HERC2: variants seen among roughly 807,000 people sequenced by gnomAD.
HERC2 encodes HECT and RLD domain containing E3 ubiquitin protein ligase 2.
A neutral mutation model predicts 537.7 loss-of-function variants in HERC2; 102 were observed. The observed-to-expected ratio is 0.19, with a 90% CI of 0.16 to 0.22. The LOEUF (loss-of-function observed/expected upper bound fraction) is 0.22, where lower values mean the gene tolerates loss of function less well. Among genes scored for constraint, HERC2 ranks in the 10% least tolerant of loss-of-function variants. HERC2 has a pLI of 1.00. For missense variants in HERC2, 4,236 were observed against 6,198.2 expected (o/e 0.68, Z 10.63); for synonymous variants, 2,224 against 2,466.2 (o/e 0.90, Z 2.91).
At chr15:28,216,015 T>C (rs8030794) in intron 38 of HERC2, among the ~76,000 whole-genome samples, 1 of 151,998 alleles carries the variant, frequency 6.6e-6, no homozygotes, top group Non-Finnish European at 1.5e-5. Flanking sequence ...AATTTTTCTT[T>C]TTTTTTTTAG....
At chr15:28,269,583 T>G (rs557595034) in intron 10 of HERC2, 147 bp from the exon 11 acceptor site, 8 of 627,080 alleles carry the variant, frequency 1.3e-5, no homozygotes, top group Non-Finnish European at 1.6e-5. Flanking sequence ...CATACCAGCC[T>G]GTATTACCTC....
intron 3 of HERC2, among the ~76,000 whole-genome samples, chr15:28,293,996 A>C (rs918888742): frequency 2.0e-5 from 3 of 152,236 alleles, no homozygotes; most frequent in African/African-American, 7.2e-5. Context: ...TAATTAGAAA[A>C]ATGTATCTCA....
rs758283248 is a variant in HERC2, at chr15:28,248,776, ATT to A, written c.3051-42_3051-41del. 5 of 1,517,698 alleles carry A rather than the reference ATT, an allele frequency of 3.3e-6. No homozygotes were observed. In the African/African-American group the frequency reaches 4.2e-5, roughly 13 times the overall value. The allele number at this position is 1,517,698 out of a possible 1,614,324, so 94.0% of individuals were successfully genotyped here. A position where few individuals can be genotyped will look rare whatever the true frequency, so the allele number is the denominator to read the frequency against. The stretch of plus-strand genomic sequence containing the variant: ...AGAGGATTACAAAATTAAACAAGAT[ATT>A]TCTACTAAAAAGAAAATGGGATGGG... On this transcript the variant is annotated intron_variant, in intron 20 of 92. Coordinates refer to ENST00000261609, the MANE Select transcript of HERC2 (RefSeq NM_004667.6).
At chr15:28,116,090 C>T (rs891015298) in intron 88 of HERC2, among the ~76,000 whole-genome samples, 1 of 152,238 alleles carries the variant, frequency 6.6e-6, no homozygotes, top group African/African-American at 2.4e-5. Flanking sequence ...CCAGTGCCTG[C>T]AGCTGTGCAC....
At position 28,141,982 on chromosome 15, in the gene HERC2, C is replaced by A. The variant is rs1193917187; in HGVS notation, c.11701-136G>T. ...ACATTGCAATGTTATGGTTCATGGG[C>A]AAAACCAATAATGACTGCATCAAGT... is the stretch of plus-strand genomic sequence containing the variant. On this transcript the variant is annotated intron_variant, in intron 76 of 92. Coordinates refer to ENST00000261609, the MANE Select transcript of HERC2 (RefSeq NM_004667.6). 5 of 771,742 alleles carry A rather than the reference C, an allele frequency of 6.5e-6. No homozygotes were observed. In the African/African-American group the frequency reaches 8.7e-5, roughly 13 times the overall value. 47.8% of individuals were successfully genotyped at this position (771,742 alleles called of 1,614,324 possible).
chr15:28,149,457 G>A (rs1892161853), intron 70 of HERC2, among the ~76,000 whole-genome samples: 1 of 150,248 alleles, frequency 6.7e-6, no homozygotes, highest in Admixed American at 6.6e-5. Context: ...TCCTAACCGA[G>A]AACGTCACCG....
At chr15:28,315,063 C>T (rs1449638515) in intron 2 of HERC2, among the ~76,000 whole-genome samples, 2 of 152,216 alleles carry the variant, frequency 1.3e-5, no homozygotes, top group Non-Finnish European at 2.9e-5. Flanking sequence ...TATGTTACTG[C>T]CACCTCTTCT....
chr15:28,203,358 T>G (rs1423972397), intron 45 of HERC2: 2 of 149,536 alleles, frequency 1.3e-5, no homozygotes, highest in African/African-American at 5.0e-5. Context: ...AGCCCCCCGG[T>G]GCTCAGGAAG....
intron 48 of HERC2, among the ~76,000 whole-genome samples, chr15:28,200,416 G>A (rs970943080): frequency 4.6e-5 from 7 of 151,678 alleles, no homozygotes; most frequent in Non-Finnish European, 7.4e-5. Flanking sequence ...AAAAAAAAAA[G>A]GTAGCCACCT....
At chr15:28,172,201 T>C (rs1894776172) in intron 65 of HERC2, among the ~76,000 whole-genome samples, 1 of 152,202 alleles carries the variant, frequency 6.6e-6, no homozygotes, top group Admixed American at 6.5e-5. Context: ...GAATCCATCC[T>C]TTCCACATTG....
intron 17 of HERC2, 30 bp downstream of exon 17, chr15:28,257,031 A>T: frequency 6.3e-7 from 1 of 1,579,814 alleles, no homozygotes; most frequent in Non-Finnish European, 8.7e-7. Flanking sequence ...CACTTACAAA[A>T]GGAGGAAGAA....
At chr15:28,117,543 T>C (rs1242979744) in intron 86 of HERC2, 5 of 507,568 alleles carry the variant, frequency 9.9e-6, no homozygotes, top group Non-Finnish European at 1.9e-5. Context: ...CACGACCTCA[T>C]GAAATAAGAC....
chr15:28,128,361 C>A (rs954665515), intron 83 of HERC2, among the ~76,000 whole-genome samples: 5 of 152,204 alleles, frequency 3.3e-5, no homozygotes, highest in Admixed American at 2.0e-4. Context: ...GACGCGGCAG[C>A]AGGACAGCAA....
chr15:28,163,324 A>C lies in HERC2; in HGVS notation c.10555-39T>G, dbSNP rs200851435. 6.4e-6 allele frequency: 10 copies of C among 1,573,294 alleles called. No individual in the cohort carries two copies. Among genetic ancestry groups the C allele is most frequent in the African/African-American group, 1.3e-5 (1 of 74,382 alleles). ...CATCCAACAATTAACATGAGGAATGATATGCTAAGAGATAAAGAGTCACCA... is the reference window on the plus strand; with the variant it reads ...CATCCAACAATTAACATGAGGAATGCTATGCTAAGAGATAAAGAGTCACCA... On this transcript the variant is annotated intron_variant, in intron 68 of 92. Transcript: ENST00000261609.
intron 37 of HERC2, among the ~76,000 whole-genome samples, chr15:28,219,951 C>T (rs1484735009): frequency 6.6e-5 from 10 of 152,210 alleles, no homozygotes; most frequent in African/African-American, 2.2e-4. Flanking sequence ...TCCCTAGAAG[C>T]GATAAAGTGC....
At chr15:28,317,822 A>G (rs865982639) in intron 2 of HERC2, among the ~76,000 whole-genome samples, 5 of 152,366 alleles carry the variant, frequency 3.3e-5, no homozygotes, top group African/African-American at 1.2e-4. Flanking sequence ...ATTACATAAA[A>G]TGTAACCACT....
At chr15:28,160,689 G>A (rs1893502827) in intron 69 of HERC2, among the ~76,000 whole-genome samples, 1 of 152,220 alleles carries the variant, frequency 6.6e-6, no homozygotes, top group African/African-American at 2.4e-5. Context: ...CCCAGGTGAG[G>A]CGATGCCTCG....
chr15:28,144,923 C>T (rs1891584634), intron 71 of HERC2, 119 bp from the exon 72 acceptor site: 5 of 1,242,672 alleles, frequency 4.0e-6, no homozygotes, highest in Non-Finnish European at 5.7e-6. Context: ...TCCTCCAATC[C>T]AAGCTCTCCC....
intron 1 of HERC2, among the ~76,000 whole-genome samples, chr15:28,321,839 C>T (rs1383250598): frequency 1.4e-5 from 2 of 145,130 alleles, no homozygotes; most frequent in African/African-American, 5.6e-5. Context: ...TGCCGCTTTA[C>T]CCCACAGCAG....
Sources: gnomAD v4.1 joint callset for allele counts (sites outside exome capture counted in the v4.1 genomes callset) on GRCh38, gnomAD v4.1.1 for gene constraint, MANE v1.5 for transcripts, NCBI Gene and HGNC (gene_info 2026-07-23, HGNC 2026-07-21) for gene names.